TBC1D5: variants seen among roughly 807,000 people sequenced by gnomAD.
The protein encoded by TBC1D5 is TBC1 domain family member 5, also known as TBC1 domain family, member 5.
A neutral mutation model predicts 100.3 loss-of-function variants in TBC1D5; 75 were observed. That is an observed-to-expected ratio of 0.75 (90% confidence interval 0.62 to 0.91). The LOEUF is 0.91. Ranked by LOEUF, TBC1D5 falls within the 40% of genes least tolerant of loss-of-function variation. The pLI is 0.00. For synonymous variants in TBC1D5, 323 were observed against 325.6 expected (o/e 0.99, Z 0.09); for missense variants, 910 against 942.4 (o/e 0.97, Z 0.45).
At chr3:17,220,167 T>C (rs1026013431) in intron 17 of TBC1D5, among the ~76,000 whole-genome samples, 2 of 152,160 alleles carry the variant, frequency 1.3e-5, no homozygotes, top group Admixed American at 6.6e-5. Flanking sequence ...CTCTACAAGG[T>C]AGAATTATAT....
At chr3:17,166,651 A>G in intron 21 of TBC1D5, 116 bp downstream of exon 22, 1 of 1,414,228 alleles carries the variant, frequency 7.1e-7, no homozygotes, top group Non-Finnish European at 9.5e-7. Context: ...TCCGCAGTTG[A>G]ACTTCATACA....
rs1424558223 is a variant in TBC1D5 at position 17,672,139 on chromosome 3, T to C, written c.-100-48226A>G. ...CACAACCCAAATCTTAAGTGTGTAA[T>C]AGATGTTTAAATATACTTTTAAACA... is the stretch of plus-strand genomic sequence containing the variant. On this transcript the variant is annotated intron_variant, in intron 1 of 21. Coordinates refer to ENST00000253692, the Ensembl canonical transcript of TBC1D5. Among the ~76,000 whole-genome samples, 6 of 152,340 alleles carry C rather than the reference T, an allele frequency of 3.9e-5. No homozygotes were observed. The East Asian group carries it at 5.8e-4, about 15-fold the overall frequency.
exon 1 of TBC1D5, chr3:17,739,989 C>T (rs1248520528): frequency 3.3e-5 from 5 of 149,602 alleles, no homozygotes; most frequent in African/African-American, 9.9e-5. Flanking sequence ...TGGACAAGAG[C>T]GAAACTCCTT....
chr3:17,715,814 G>T (rs373446067), intron 1 of TBC1D5, among the ~76,000 whole-genome samples: 1 of 151,924 alleles, frequency 6.6e-6, no homozygotes, highest in Non-Finnish European at 1.5e-5. Flanking sequence ...AAAAAAAAGG[G>T]GGGGGAGGCC....
chr3:17,384,137 TG>T, intron 8 of TBC1D5, 122 bp from the exon 9 acceptor site: 2 of 746,092 alleles, frequency 2.7e-6, no homozygotes, highest in Non-Finnish European at 4.3e-6. Context: ...GTGTTTGCCA[TG>T]TAACTTATGC....
At chr3:17,617,863 A>T (rs1318226488) in intron 2 of TBC1D5, among the ~76,000 whole-genome samples, 3 of 152,042 alleles carry the variant, frequency 2.0e-5, no homozygotes, top group Non-Finnish European at 4.4e-5. Context: ...TAGCTCAAAG[A>T]AGTTTGTTAT....
chr3:17,366,563 C>T (rs561856581), intron 13 of TBC1D5, among the ~76,000 whole-genome samples: 36 of 152,100 alleles, frequency 2.4e-4, no homozygotes, highest in African/African-American at 7.5e-4. Flanking sequence ...ACTTTCTAAT[C>T]CTTCATATTT....
At chr3:17,714,502 C>CCA (rs1432715928) in intron 1 of TBC1D5, among the ~76,000 whole-genome samples, 3 of 152,188 alleles carry the variant, frequency 2.0e-5, no homozygotes, top group African/African-American at 7.2e-5. Context: ...GAGAGCCAAT[C>CCA]CACGAAGACT....
chr3:17,557,190 C>T (rs2096527742), intron 2 of TBC1D5, among the ~76,000 whole-genome samples: 1 of 152,074 alleles, frequency 6.6e-6, no homozygotes, highest in African/African-American at 2.4e-5. Flanking sequence ...AATAATTGAT[C>T]ATAATAAAAA....
intron 1 of TBC1D5, among the ~76,000 whole-genome samples, chr3:17,695,597 G>T (rs2071922298): frequency 6.6e-6 from 1 of 152,150 alleles, no homozygotes; most frequent in African/African-American, 2.4e-5. Flanking sequence ...GATTCATAAA[G>T]CAAGTCCTTA....
At chr3:17,449,676 C>T (rs368786721) in intron 3 of TBC1D5, among the ~76,000 whole-genome samples, 5 of 152,312 alleles carry the variant, frequency 3.3e-5, no homozygotes, top group African/African-American at 1.2e-4. Context: ...CAGGCTGCTT[C>T]TCTAGATTCC....
chr3:17,300,021 A>AT (rs1217164350), intron 14 of TBC1D5, among the ~76,000 whole-genome samples: 1 of 152,214 alleles, frequency 6.6e-6, no homozygotes, highest in African/African-American at 2.4e-5. Context: ...CAATAATTCA[A>AT]TTTTTTTAAA....
At chr3:17,674,172 A>C (rs1259924883) in intron 1 of TBC1D5, among the ~76,000 whole-genome samples, 1 of 152,140 alleles carries the variant, frequency 6.6e-6, no homozygotes, top group East Asian at 1.9e-4. Flanking sequence ...TCAGTACCAC[A>C]AGTACAAGTT....
chr3:17,361,800 G>C (rs1001949767), intron 13 of TBC1D5, among the ~76,000 whole-genome samples: 12 of 152,000 alleles, frequency 7.9e-5, no homozygotes, highest in African/African-American at 2.9e-4. Context: ...AAGGTCTGAA[G>C]TCAATAATCT....
At chr3:17,517,897 A>G (rs1033191892) in intron 2 of TBC1D5, among the ~76,000 whole-genome samples, 1 of 152,226 alleles carries the variant, frequency 6.6e-6, no homozygotes, top group Non-Finnish European at 1.5e-5. Context: ...ATGTATTTCT[A>G]AATTTCATAT....
chr3:17,532,191 T>G (rs1379544238), intron 2 of TBC1D5, among the ~76,000 whole-genome samples: 16 of 152,154 alleles, frequency 1.1e-4, no homozygotes, highest in Non-Finnish European at 2.2e-4. Context: ...GAACAGACAC[T>G]TCTCAAAAGA....
intron 2 of TBC1D5, among the ~76,000 whole-genome samples, chr3:17,613,132 AGT>A (rs1270332991): frequency 1.3e-5 from 2 of 151,996 alleles, no homozygotes; most frequent in East Asian, 1.9e-4. Context: ...GAGAACATGC[AGT>A]GTTTGGTTTT....
At chr3:17,392,042 C>T (rs2093365227) in intron 8 of TBC1D5, among the ~76,000 whole-genome samples, 1 of 152,022 alleles carries the variant, frequency 6.6e-6, no homozygotes, top group African/African-American at 2.4e-5. Flanking sequence ...ATGATACCAA[C>T]ATTAACACAC....
chr3:17,488,198 TTTTCCACAATGTCA>T (rs1339608734), intron 3 of TBC1D5, among the ~76,000 whole-genome samples: 1 of 152,226 alleles, frequency 6.6e-6, no homozygotes, highest in Non-Finnish European at 1.5e-5. Context: ...TAGTTTTTCC[TTTTCCACAATGTCA>T]TATAGTTGGA....
Sources: allele counts gnomAD v4.1 joint callset (sites outside exome capture counted in the v4.1 genomes callset), GRCh38; gene constraint gnomAD v4.1.1; transcripts MANE v1.5; gene names NCBI Gene and HGNC (gene_info 2026-07-23, HGNC 2026-07-21).